MYOF: variants seen among roughly 807,000 people sequenced by gnomAD.
The protein encoded by MYOF is myoferlin, also known as fer-1-like 3, myoferlin.
Under a neutral mutation model 284.2 loss-of-function variants are expected in MYOF, and 244 were observed. The ratio of observed to expected loss-of-function variants is 0.86; its 90% CI spans 0.77 to 0.95. MYOF has a LOEUF of 0.95. MYOF is among the 40% of genes least tolerant of loss of function. The pLI is 0.00. For missense variants in MYOF, 2,496 were observed against 2,560.6 expected (o/e 0.97, Z 0.54); for synonymous variants, 904 against 919.7 (o/e 0.98, Z 0.31).
intron 1 of MYOF, among the ~76,000 whole-genome samples, chr10:93,479,286 A>G (rs1281424133): frequency 1.3e-5 from 2 of 151,978 alleles, no homozygotes. Flanking sequence ...GACTACAGGC[A>G]TGGTAGGGCT....
chr10:93,465,960 A>G (rs77084264), intron 1 of MYOF, among the ~76,000 whole-genome samples: 7,124 of 152,256 alleles, frequency 0.047, 218 homozygotes, highest in Non-Finnish European at 0.07. Context: ...TATTTCTTCC[A>G]CGTGGCTCCA....
intron 23 of MYOF, among the ~76,000 whole-genome samples, chr10:93,373,314 C>T (rs140309293): frequency 5.6e-4 from 86 of 152,232 alleles, no homozygotes; most frequent in Non-Finnish European, 7.4e-4. Context: ...GAAGCAGAGG[C>T]GCAGCTTCAC....
intron 43 of MYOF, among the ~76,000 whole-genome samples, chr10:93,332,962 C>G (rs1366724047): frequency 6.6e-6 from 1 of 152,180 alleles, no homozygotes; most frequent in Non-Finnish European, 1.5e-5. Flanking sequence ...GGAAAAACTC[C>G]AACTGGCCTG....
At chr10:93,373,977 G>A (rs951720900) in intron 23 of MYOF, among the ~76,000 whole-genome samples, 1 of 152,034 alleles carries the variant, frequency 6.6e-6, no homozygotes, top group Non-Finnish European at 1.5e-5. Context: ...CATCATTTAC[G>A]TTAGGTATTT....
At chr10:93,444,765 G>A (rs2056380318) in intron 3 of MYOF, among the ~76,000 whole-genome samples, 1 of 152,216 alleles carries the variant, frequency 6.6e-6, no homozygotes, top group South Asian at 2.1e-4. Context: ...CATACACACA[G>A]ACACACAAAT....
At chr10:93,317,832 G>GTGAAAAGGGAATTTC (rs1174120116) in intron 49 of MYOF, among the ~76,000 whole-genome samples, 1 of 152,214 alleles carries the variant, frequency 6.6e-6, no homozygotes, top group Non-Finnish European at 1.5e-5. Flanking sequence ...TCTGGCCCCA[G>GTGAAAAGGGAATTTC]TGAAAAGGGA....
At chr10:93,310,711 G>A (rs1413394142) in intron 51 of MYOF, 68 bp from the exon 52 acceptor site, 1 of 1,398,756 alleles carries the variant, frequency 7.1e-7, no homozygotes, top group Non-Finnish European at 1.0e-6. Context: ...TTCAACCCAA[G>A]GAGTATTCCC....
Position 93,416,656 on chromosome 10 carries a change from G to A in MYOF, c.434-6917C>T, listed in dbSNP as rs1283966233. On this transcript the variant is annotated intron_variant, in intron 5 of 53. Transcript: ENST00000359263. ...TTTGTCACCCAGGCTGGAGTGCAGT[G>A]GCATGACCTTGGCTCACTGCATCCT... is the stretch of plus-strand genomic sequence containing the variant. Among the ~76,000 whole-genome samples the A allele has an allele frequency of 2.7e-5, 4 of 148,080 alleles. No individual in the cohort carries two copies. In the East Asian group the frequency reaches 8.2e-4, roughly 30 times the overall value.
chr10:93,481,940 A>G (rs1213355658), intron 1 of MYOF, among the ~76,000 whole-genome samples, 167 bp downstream of exon 1: 1 of 152,166 alleles, frequency 6.6e-6, no homozygotes, highest in Non-Finnish European at 1.5e-5. Context: ...AGAAAATTAA[A>G]TGCCTTCCCC....
intron 7 of MYOF, 27 bp downstream of exon 7, chr10:93,408,760 A>C (rs1847754273): frequency 1.2e-6 from 2 of 1,613,752 alleles, no homozygotes; most frequent in Non-Finnish European, 1.7e-6. Flanking sequence ...ACTCATGAGC[A>C]GAAACATGCC....
intron 32 of MYOF, among the ~76,000 whole-genome samples, chr10:93,353,026 G>T (rs1019202112): frequency 6.6e-5 from 10 of 152,076 alleles, no homozygotes; most frequent in Admixed American, 1.3e-4. Flanking sequence ...CAAACTTTCC[G>T]TTTGGAATAA....
chr10:93,356,006 G>A (rs755570448), intron 30 of MYOF, among the ~76,000 whole-genome samples: 6 of 151,960 alleles, frequency 3.9e-5, no homozygotes. Flanking sequence ...TGAAAGAAAG[G>A]GAAAAAAAGG....
At chr10:93,355,987 C>T (rs2133906798) in intron 30 of MYOF, among the ~76,000 whole-genome samples, 1 of 152,160 alleles carries the variant, frequency 6.6e-6, no homozygotes, top group East Asian at 1.9e-4. Context: ...GTTTGCCAAA[C>T]CCTGCTACTG....
rs868772850 is a variant in MYOF at position 93,347,529 on chromosome 10, G to A, written c.4249+88C>T. The A allele has an allele frequency of 2.5e-4, 307 of 1,216,930 alleles. 2 individuals are homozygous for A. The Middle Eastern group carries it at 3.7e-3, about 15-fold the overall frequency. 75.4% of individuals were successfully genotyped at this position (1,216,930 alleles called of 1,614,324 possible). On this transcript the variant is annotated intron_variant, in intron 37 of 53. Coordinates refer to ENST00000359263, the MANE Select transcript of MYOF (RefSeq NM_013451.4). ...ATTGCGCCACTGCAGTCCGCAGTCC[G>A]GCCTGGGCGACAGAGCGAGACTCCG...
Position 93,355,636 on chromosome 10 carries a change from T to C in MYOF, c.3395A>G (p.Asn1132Ser), listed in dbSNP as rs1844760727. The change falls in exon 31 of 54, where the codon AAT (asparagine) becomes AGT (serine). Residue 1132 changes from asparagine (N) to serine (S), a missense_variant. By Grantham distance (46) the Asn-to-Ser change is conservative. Transcript: ENST00000359263. ...FGANTPIVSC[N>S]FDRVYIYHLR... ...AATAAAACAAAACTCACTGTCAAAA[T>C]TGCAGGAAACAATGGGGGTGTTTGC... is the stretch of plus-strand genomic sequence containing the variant. 1.1e-5 allele frequency: 18 copies of C among 1,603,628 alleles called. No homozygotes were observed. Among genetic ancestry groups the C allele is most frequent in the Non-Finnish European group, 1.5e-5 (18 of 1,173,646 alleles).
intron 19 of MYOF, among the ~76,000 whole-genome samples, chr10:93,385,643 C>G (rs962287416): frequency 6.6e-6 from 1 of 152,140 alleles, no homozygotes; most frequent in African/African-American, 2.4e-5. Context: ...CCTCATTTCT[C>G]TCCTATTCTG....
At chr10:93,364,343 G>T (rs1845226754) in intron 26 of MYOF, among the ~76,000 whole-genome samples, 1 of 152,240 alleles carries the variant, frequency 6.6e-6, no homozygotes, top group Non-Finnish European at 1.5e-5. Flanking sequence ...TGAGGATGGG[G>T]TCTGGGAAAA....
At chr10:93,312,835 C>T (rs1842452084) in intron 51 of MYOF, among the ~76,000 whole-genome samples, 185 bp downstream of exon 51, 1 of 152,178 alleles carries the variant, frequency 6.6e-6, no homozygotes, top group African/African-American at 2.4e-5. Flanking sequence ...ATGCTCACAG[C>T]ATCTCCCACC....
chr10:93,438,192 T>C (rs1001930138), intron 3 of MYOF, among the ~76,000 whole-genome samples: 1 of 152,086 alleles, frequency 6.6e-6, no homozygotes, highest in South Asian at 2.1e-4. Flanking sequence ...TTCCATCCAC[T>C]GACCCCCCAC....
Sources: allele counts gnomAD v4.1 joint callset (sites outside exome capture counted in the v4.1 genomes callset), GRCh38; gene constraint gnomAD v4.1.1; transcripts MANE v1.5; gene names NCBI Gene and HGNC (gene_info 2026-07-23, HGNC 2026-07-21).